SYNE2: variants seen among roughly 807,000 people sequenced by gnomAD.
SYNE2 encodes spectrin repeat containing nuclear envelope protein 2, also known as nesprin-2.
Under a neutral mutation model 856.3 loss-of-function variants are expected in SYNE2, and 431 were observed. The observed-to-expected ratio is 0.50, with a 90% confidence interval of 0.47 to 0.55. The LOEUF (loss-of-function observed/expected upper bound fraction) is 0.55. Ranked by LOEUF, SYNE2 falls within the 20% of genes least tolerant of loss-of-function variation. The pLI, the probability that SYNE2 is intolerant of heterozygous loss-of-function variation, is 0.00. For missense variants in SYNE2, 8,129 were observed against 8,023.2 expected (o/e 1.01, Z -0.50); for synonymous variants, 2,923 against 2,872.3 (o/e 1.02, Z -0.56).
chr14:64,077,188 A>G (rs1037063599), intron 54 of SYNE2, among the ~76,000 whole-genome samples: 2 of 152,158 alleles, frequency 1.3e-5, no homozygotes, highest in African/African-American at 4.8e-5. Flanking sequence ...AAGTTCAAGG[A>G]TCCCGGGGGA....
rs200562890 is a variant in SYNE2 at position 64,212,964 on chromosome 14, A to G, written c.19015A>G (p.Arg6339Gly). The G allele has an allele frequency of 6.2e-7, 1 of 1,614,104 alleles. No homozygotes were observed. The highest frequency in any genetic ancestry group is 8.5e-7 in the Non-Finnish European group (1 of 1,180,020). Reference sequence around the variant, plus strand: ...CCGCTACTGCCAGGAGGTGTTTGGAAGGGTCTCCCGGTTCCACCGGCGGCT... The same window carrying G: ...CCGCTACTGCCAGGAGGTGTTTGGAGGGGTCTCCCGGTTCCACCGGCGGCT... ...LHRYCQEVFGRVSRFHRRLTS... is the reference protein window; with the variant it reads ...LHRYCQEVFGGVSRFHRRLTS... Residue 6339 changes from arginine (R) to glycine (G), a missense_variant, in exon 105 of 116, where the codon AGG becomes GGG. Transcript: ENST00000555002.
intron 48 of SYNE2, 99 bp from the exon 49 acceptor site, chr14:64,055,845 C>G: frequency 1.7e-6 from 1 of 603,034 alleles, no homozygotes; most frequent in Non-Finnish European, 2.8e-6. Context: ...TAAAAAAAGA[C>G]TCAGAGACAT....
chr14:64,064,542 A>ATTTT (rs369447974), intron 50 of SYNE2, among the ~76,000 whole-genome samples: 1 of 103,608 alleles, frequency 9.7e-6, no homozygotes, highest in Non-Finnish European at 1.8e-5. Flanking sequence ...GTACTTTTAG[A>ATTTT]TTTTTTTTTT....
At chr14:63,781,435 G>C (rs181668586) in intron 1 of SYNE2, among the ~76,000 whole-genome samples, 4 of 151,780 alleles carry the variant, frequency 2.6e-5, no homozygotes, top group Admixed American at 2.0e-4. Flanking sequence ...TGCATTCTAG[G>C]TTTGCGCAAA....
Position 63,932,358 on chromosome 14 carries a change from G to A in SYNE2, c.80-8256G>A, listed in dbSNP as rs570705508. Among the ~76,000 whole-genome samples the A allele has an allele frequency of 3.3e-5, 5 of 152,224 alleles. No individual in the cohort carries two copies. In the East Asian group the frequency reaches 9.7e-4, roughly 29 times the overall value. On this transcript the variant is annotated intron_variant, in intron 2 of 115. Transcript: ENST00000555002. Reference sequence around the variant, plus strand: ...GATCGTGCCATTGCACTCCAGCCTGGGTGACAAGAGTGAAACTCCATCTCA... The same window carrying A: ...GATCGTGCCATTGCACTCCAGCCTGAGTGACAAGAGTGAAACTCCATCTCA...
At chr14:63,837,825 A>G (rs1003969297) in intron 1 of SYNE2, among the ~76,000 whole-genome samples, 9 of 149,038 alleles carry the variant, frequency 6.0e-5, no homozygotes, top group African/African-American at 2.0e-4. Flanking sequence ...AGGCTGAGGT[A>G]GAAGGATTGC....
At chr14:64,014,998 T>A (rs913817051) in intron 32 of SYNE2, among the ~76,000 whole-genome samples, 3 of 140,322 alleles carry the variant, frequency 2.1e-5, no homozygotes, top group African/African-American at 8.0e-5. Context: ...CACACATATA[T>A]AAATATATAT....
intron 1 of SYNE2, among the ~76,000 whole-genome samples, chr14:63,840,795 C>T (rs1019618533): frequency 2.0e-5 from 3 of 152,102 alleles, no homozygotes; most frequent in Admixed American, 1.3e-4. Context: ...GGCGGATCCC[C>T]TGAGGTCGGG....
intron 49 of SYNE2, 127 bp from the exon 50 acceptor site, chr14:64,062,624 T>C (rs2097326239): frequency 1.1e-6 from 1 of 935,924 alleles, no homozygotes; most frequent in South Asian, 1.5e-5. Flanking sequence ...ATGCATTGCC[T>C]AGCAAAAACG....
intron 10 of SYNE2, among the ~76,000 whole-genome samples, chr14:63,966,487 A>G (rs2096393488): frequency 6.6e-6 from 1 of 151,804 alleles, no homozygotes; most frequent in Non-Finnish European, 1.5e-5. Context: ...CATGCCACTG[A>G]ACTTCAGCCT....
At chr14:64,215,599 A>T in intron 107 of SYNE2, 1 of 583,272 alleles carries the variant, frequency 1.7e-6, no homozygotes, top group Non-Finnish European at 3.0e-6. Flanking sequence ...GTGCAGAGGG[A>T]ATTTTTCATG....
chr14:63,930,633 C>T (rs1255402779), intron 2 of SYNE2, among the ~76,000 whole-genome samples: 2 of 151,278 alleles, frequency 1.3e-5, no homozygotes, highest in African/African-American at 4.9e-5. Flanking sequence ...CTCCCAAGTT[C>T]AAGTGATTCT....
At chr14:64,073,833 CTT>C (rs1329457714) in intron 52 of SYNE2, 133 bp from the exon 53 acceptor site, 7 of 962,982 alleles carry the variant, frequency 7.3e-6, no homozygotes, top group Non-Finnish European at 1.1e-5. Flanking sequence ...AAAATTGTTA[CTT>C]TTTTTCTTAG....
At chr14:63,990,858 G>T in intron 20 of SYNE2, 84 bp from the exon 21 acceptor site, 1 of 1,117,478 alleles carries the variant, frequency 8.9e-7, no homozygotes, top group East Asian at 2.5e-5. Flanking sequence ...TTTGTCTAGT[G>T]GGAAAATAAC....
At position 63,974,806 on chromosome 14, in the gene SYNE2, G is replaced by GTA. The variant is rs746053987; in HGVS notation, c.1129-1751_1129-1750dup. 5.9e-4 allele frequency among the ~76,000 whole-genome samples: 80 copies of GTA among 136,748 alleles called. 1 individual carries two copies. The highest frequency in any genetic ancestry group is 3.1e-3 in the Admixed American group (41 of 13,232). 89.7% of individuals were successfully genotyped at this position (136,748 alleles called of 152,430 possible). On this transcript the variant is annotated intron_variant, in intron 11 of 115. Coordinates refer to ENST00000555002, the MANE Select transcript of SYNE2 (RefSeq NM_182914.3). ...TGTGTATATATATGTGTATATATGT[G>GTA]TATATATGTATATACATATGTATAT...
chr14:64,088,792 A>G (rs951309109), intron 58 of SYNE2, among the ~76,000 whole-genome samples: 1 of 152,038 alleles, frequency 6.6e-6, no homozygotes, highest in Non-Finnish European at 1.5e-5. Context: ...CATTATTTAC[A>G]TTTGTTACTC....
intron 108 of SYNE2, among the ~76,000 whole-genome samples, chr14:64,217,082 G>C (rs1325553915): frequency 6.6e-6 from 1 of 152,130 alleles, no homozygotes; most frequent in Non-Finnish European, 1.5e-5. Flanking sequence ...AAAAATCATT[G>C]ATGGTGTGCT....
rs1306092663 is a variant in SYNE2 at position 64,225,128 on chromosome 14, G to A, written c.20516+83G>A. The A allele has an allele frequency of 2.3e-5, 36 of 1,574,974 alleles. No individual in the cohort carries two copies. In the South Asian group the frequency reaches 3.6e-4, roughly 16 times the overall value. ...CAGTCTTGCCAATGCCACTATCAAG[G>A]TCCTTGCAAAAATCTGGTTTTCTTT... On this transcript the variant is annotated intron_variant, in intron 115 of 115. Transcript: ENST00000555002.
intron 1 of SYNE2, among the ~76,000 whole-genome samples, chr14:63,825,522 C>T (rs766550692): frequency 6.6e-6 from 1 of 151,980 alleles, no homozygotes; most frequent in Non-Finnish European, 1.5e-5. Context: ...AAACTAATTA[C>T]CAATAGATTT....
Sources: allele counts gnomAD v4.1 joint callset (sites outside exome capture counted in the v4.1 genomes callset), GRCh38; gene constraint gnomAD v4.1.1; transcripts MANE v1.5; gene names NCBI Gene and HGNC (gene_info 2026-07-23, HGNC 2026-07-21).